COL24A1: variants seen among roughly 807,000 people sequenced by gnomAD.
COL24A1 encodes the protein collagen type XXIV alpha 1 chain, also known as collagen alpha-1(XXIV) chain.
COL24A1 carries 224 observed loss-of-function variants against 253.9 expected under a neutral mutation model. The ratio of observed to expected loss-of-function variants is 0.88; its 90% CI spans 0.79 to 0.99. The LOEUF is 0.99. Ranked by LOEUF, COL24A1 falls within the 50% of genes least tolerant of loss-of-function variation. The pLI is 0.00. For synonymous variants in COL24A1, 685 were observed against 673.7 expected, an observed-to-expected ratio of 1.02 and a Z score of -0.26; for missense variants, 2,131 against 2,068.5, an observed-to-expected ratio of 1.03 and a Z score of -0.59.
Position 85,828,323 on chromosome 1 carries a change from G to A in COL24A1, c.3682-4585C>T, listed in dbSNP as rs377175682. On this transcript the variant is annotated intron_variant, in intron 43 of 59. Transcript: ENST00000370571. ...TAATTTCTATTCTTTTACATTTGCT[G>A]AGGGGAGCTTTACTTCCAAGTATGT... Among the ~76,000 whole-genome samples the A allele has an allele frequency of 9.0e-4, 137 of 151,734 alleles. 2 individuals are homozygous for A. The East Asian group carries it at 0.02, about 23-fold the overall frequency.
At chr1:86,143,881 C>T (rs1255761508) in intron 2 of COL24A1, among the ~76,000 whole-genome samples, 2 of 152,040 alleles carry the variant, frequency 1.3e-5, no homozygotes, top group Admixed American at 1.3e-4. Flanking sequence ...AGGATAATCT[C>T]TCACTCAAAC....
intron 19 of COL24A1, among the ~76,000 whole-genome samples, chr1:86,016,478 GTA>G (rs1165091216): frequency 6.6e-6 from 1 of 152,166 alleles, no homozygotes; most frequent in Non-Finnish European, 1.5e-5. Context: ...GTGCTTGCGT[GTA>G]TGTGTGTGTG....
chr1:86,130,454 G>A (rs896966371), intron 2 of COL24A1, among the ~76,000 whole-genome samples: 5 of 151,582 alleles, frequency 3.3e-5, no homozygotes, highest in Non-Finnish European at 7.4e-5. Context: ...TTTGCTTTGT[G>A]TATGCCTTTT....
chr1:85,737,813 C>T (rs1259948028), intron 57 of COL24A1, among the ~76,000 whole-genome samples: 1 of 151,016 alleles, frequency 6.6e-6, no homozygotes, highest in African/African-American at 2.4e-5. Context: ...ATCTGCCCAC[C>T]TCCACCTCCC....
intron 55 of COL24A1, among the ~76,000 whole-genome samples, chr1:85,758,995 A>T (rs35276175): frequency 0.9 from 136,630 of 151,860 alleles, 62,192 homozygotes; most frequent in Non-Finnish European, 0.97. Flanking sequence ...CCTCCCCAAT[A>T]TTTTTCTATT....
At chr1:86,122,606 A>G (rs546103711) in intron 3 of COL24A1, among the ~76,000 whole-genome samples, 65 of 152,072 alleles carry the variant, frequency 4.3e-4, no homozygotes, top group African/African-American at 1.3e-3. Context: ...GTTTTTAATA[A>G]TGATATCACC....
chr1:85,780,794 G>A (rs1362276967), intron 52 of COL24A1, among the ~76,000 whole-genome samples: 2 of 152,106 alleles, frequency 1.3e-5, no homozygotes, highest in African/African-American at 4.8e-5. Flanking sequence ...GATTACTGTT[G>A]ACTACTCCTT....
At chr1:85,996,704 G>T (rs1694829408) in intron 19 of COL24A1, among the ~76,000 whole-genome samples, 2 of 152,056 alleles carry the variant, frequency 1.3e-5, no homozygotes, top group Non-Finnish European at 2.9e-5. Context: ...ACAAGACGTA[G>T]TTACTATGTA....
chr1:86,093,079 T>C (rs966875183), intron 5 of COL24A1, among the ~76,000 whole-genome samples: 11 of 152,086 alleles, frequency 7.2e-5, no homozygotes, highest in African/African-American at 2.4e-4. Flanking sequence ...TAAGAATAAA[T>C]AATTCTCCTT....
At chr1:85,742,342 C>T (rs111991636) in intron 57 of COL24A1, among the ~76,000 whole-genome samples, 4 of 152,054 alleles carry the variant, frequency 2.6e-5, no homozygotes, top group African/African-American at 9.6e-5. Flanking sequence ...CCATGTTAGC[C>T]AGGATGGTCT....
intron 24 of COL24A1, among the ~76,000 whole-genome samples, chr1:85,942,665 C>T (rs971421915): frequency 2.0e-5 from 3 of 152,020 alleles, no homozygotes; most frequent in Non-Finnish European, 4.4e-5. Context: ...TCTAAAATTC[C>T]AAAAATCAAA....
In COL24A1 at chr1:85,945,015, T is replaced by G. The variant is rs1178420655; in HGVS notation, c.2562+16234A>C. Among the ~76,000 whole-genome samples, 92 of 82,996 alleles carry G rather than the reference T, an allele frequency of 1.1e-3. 1 individual carries two copies. The highest frequency in any genetic ancestry group is 3.6e-3 in the African/African-American group (80 of 22,372). 54.4% of individuals were successfully genotyped at this position (82,996 alleles called of 152,430 possible). A position where few individuals can be genotyped will look rare whatever the true frequency, so the allele number is the denominator to read the frequency against. On this transcript the variant is annotated intron_variant, in intron 24 of 59. Coordinates refer to ENST00000370571, the MANE Select transcript of COL24A1 (RefSeq NM_152890.7). ...GTCTATCATTGTGTTTTTTTTTTTT[T>G]TTTTTTTTTTTTTTTTTTTTGAGAC...
chr1:86,066,543 T>C (rs11801529), intron 7 of COL24A1, among the ~76,000 whole-genome samples: 64,981 of 151,400 alleles, frequency 0.43, 14,573 homozygotes, highest in Middle Eastern at 0.64. Context: ...TGCGCCCTGC[T>C]AAAATATCCT....
chr1:85,915,644 C>T (rs970059188), intron 24 of COL24A1, among the ~76,000 whole-genome samples: 6 of 151,944 alleles, frequency 3.9e-5, no homozygotes, highest in East Asian at 3.9e-4. Context: ...TCAAACTATT[C>T]GGAAAAAATC....
rs756978460 is a variant in COL24A1 at position 86,022,569 on chromosome 1, T to C, written c.2171A>G (p.Glu724Gly). 3.7e-6 allele frequency: 6 copies of C among 1,612,922 alleles called. No homozygotes were observed. The South Asian group carries it at 6.6e-5, about 18-fold the overall frequency. Residue 724 changes from glutamate to glycine, a missense_variant, in exon 17 of 60, where the codon GAG becomes GGG. By Grantham distance (98) the Glu-to-Gly change is moderately conservative. Coordinates refer to ENST00000370571, the MANE Select transcript of COL24A1 (RefSeq NM_152890.7). ...GDKGEQGTAG[E>G]LGEPGYPGDK... ...TCCAGGATACCCGGGTTCTCCTAGCTCTCCTGCTGTGCCTTGTTCACCCTG... is the reference window on the plus strand; with the variant it reads ...TCCAGGATACCCGGGTTCTCCTAGCCCTCCTGCTGTGCCTTGTTCACCCTG...
chr1:85,797,100 G>A (rs201110828), intron 47 of COL24A1, among the ~76,000 whole-genome samples: 18 of 151,602 alleles, frequency 1.2e-4, no homozygotes, highest in African/African-American at 4.1e-4. Flanking sequence ...CCAGCTACTC[G>A]GGAGGCTGAC....
At chr1:85,914,304 ATGTGTGTGTGTGTGTGTGTG>A (rs71078628) in intron 24 of COL24A1, among the ~76,000 whole-genome samples, 1 of 139,188 alleles carries the variant, frequency 7.2e-6, no homozygotes, top group Non-Finnish European at 1.6e-5. Context: ...TTTGTCATGA[ATGTGTGTGTGTGTGTGTGTG>A]TGTGTGTGTG....
chr1:85,818,137 ACT>A, intron 45 of COL24A1, 50 bp from the exon 46 acceptor site: 1 of 1,479,884 alleles, frequency 6.8e-7, no homozygotes, highest in Non-Finnish European at 9.4e-7. Context: ...TCTTACTTAA[ACT>A]GAAGCCATAG....
intron 34 of COL24A1, 40 bp downstream of exon 34, chr1:85,875,237 T>C (rs1681002308): frequency 1.3e-6 from 2 of 1,574,794 alleles, no homozygotes; most frequent in Admixed American, 1.7e-5. Flanking sequence ...GGTTCAATGG[T>C]GAAAGTTTAG....
Sources: gnomAD v4.1 joint callset for allele counts (sites outside exome capture counted in the v4.1 genomes callset) on GRCh38, gnomAD v4.1.1 for gene constraint, MANE v1.5 for transcripts, NCBI Gene and HGNC (gene_info 2026-07-23, HGNC 2026-07-21) for gene names.